The following SMAP1 variants were observed in gnomAD, a reference collection of about 807,000 sequenced individuals.
SMAP1 encodes stromal membrane-associated protein 1.
In SMAP1, 24 loss-of-function variants were observed where a neutral mutation model predicts 58.5. That is an observed-to-expected ratio of 0.41 (90% CI 0.30 to 0.58). The LOEUF is 0.58. Ranked by LOEUF, SMAP1 falls within the 20% of genes least tolerant of loss-of-function variation. The pLI is 0.29. For synonymous variants in SMAP1, 216 were observed against 196.6 expected, an observed-to-expected ratio of 1.10 and a Z score of -0.82; for missense variants, 563 against 566.3, an observed-to-expected ratio of 0.99 and a Z score of 0.06.
At chr6:70,798,145 C>G (rs1047900886) in intron 5 of SMAP1, among the ~76,000 whole-genome samples, 1 of 151,798 alleles carries the variant, frequency 6.6e-6, no homozygotes, top group Non-Finnish European at 1.5e-5. Flanking sequence ...TTTTCTAAAG[C>G]AAAATCTATG....
intron 1 of SMAP1, among the ~76,000 whole-genome samples, chr6:70,729,438 CAAAAAAA>C (rs71538438): frequency 7.3e-5 from 6 of 81,710 alleles, no homozygotes; most frequent in African/African-American, 3.1e-4. Context: ...GACTCCGTCT[CAAAAAAA>C]AAAAAAAAGA....
rs745587315 is a variant in SMAP1 at position 70,725,093 on chromosome 6, G to GTTTTTTTTTTTTTT, written c.119-7257_119-7244dup. Among the ~76,000 whole-genome samples the GTTTTTTTTTTTTTT allele has an allele frequency of 2.1e-4, 10 of 47,822 alleles. 2 individuals carry two copies. The highest frequency in any genetic ancestry group is 2.4e-4 in the Non-Finnish European group (6 of 24,998). 31.4% of individuals were successfully genotyped at this position (47,822 alleles called of 152,430 possible). Reference sequence around the variant, plus strand: ...GACTCCATATCCTAAATTAACCAGTGTTTTTTTTTTTTTTTTTTTTTTTTT... The same window carrying GTTTTTTTTTTTTTT: ...GACTCCATATCCTAAATTAACCAGTGTTTTTTTTTTTTTTTTTTTTTTTTTTTTTTTTTTTTTTT... On this transcript the variant is annotated intron_variant, in intron 1 of 10. Transcript: ENST00000370455.
chr6:70,779,434 C>T (rs1453090216), intron 4 of SMAP1, among the ~76,000 whole-genome samples: 1 of 152,156 alleles, frequency 6.6e-6, no homozygotes, highest in Non-Finnish European at 1.5e-5. Context: ...TGAATTCTCT[C>T]TGAGATAGTT....
At position 70,710,337 on chromosome 6, in the gene SMAP1, A is replaced by C. The variant is rs192962125; in HGVS notation, c.119-22041A>C. On this transcript the variant is annotated intron_variant, in intron 1 of 10. Transcript: ENST00000370455. ...GAAACCCCATCTCTACTAAAAATAC[A>C]AAAATTAGCTGGACATGGTGGCATG... 9.9e-5 allele frequency among the ~76,000 whole-genome samples: 15 copies of C among 151,986 alleles called. No individual in the cohort carries two copies. In the East Asian group the frequency reaches 2.9e-3, roughly 29 times the overall value.
chr6:70,804,451 G>C (rs1562173392), intron 6 of SMAP1, among the ~76,000 whole-genome samples: 1 of 151,870 alleles, frequency 6.6e-6, no homozygotes, highest in Non-Finnish European at 1.5e-5. Flanking sequence ...ACTCTATCCA[G>C]TTTGCCAGTC....
intron 6 of SMAP1, among the ~76,000 whole-genome samples, chr6:70,834,670 A>G (rs1479389043): frequency 1.3e-5 from 2 of 152,202 alleles, no homozygotes; most frequent in African/African-American, 4.8e-5. Context: ...CCTGCCCTGC[A>G]ATATTTGAAG....
intron 1 of SMAP1, among the ~76,000 whole-genome samples, chr6:70,671,520 G>GTGA (rs1259698192): frequency 1.3e-5 from 2 of 152,182 alleles, no homozygotes; most frequent in African/African-American, 2.4e-5. Context: ...GGAGGTTGCA[G>GTGA]TGAGCCGAGA....
rs549517374 is a variant in SMAP1, at chr6:70,674,760, G to A, written c.118+6619G>A. Among the ~76,000 whole-genome samples the A allele has an allele frequency of 1.2e-4, 19 of 152,188 alleles. 1 individual carries two copies. The South Asian group carries it at 3.9e-3, about 31-fold the overall frequency. On this transcript the variant is annotated intron_variant, in intron 1 of 10. Transcript: ENST00000370455. Reference sequence around the variant, plus strand: ...AGGCTGAGGCAGGTGGATCATCTGAGGCCAGGAGTTTGAGGCCACCCCTGG... The same window carrying A: ...AGGCTGAGGCAGGTGGATCATCTGAAGCCAGGAGTTTGAGGCCACCCCTGG...
intron 4 of SMAP1, among the ~76,000 whole-genome samples, chr6:70,791,016 C>T (rs1169876372): frequency 6.6e-6 from 1 of 152,080 alleles, no homozygotes; most frequent in Non-Finnish European, 1.5e-5. Context: ...GTGTAAATTG[C>T]CTGTGCTGCA....
chr6:70,855,946 T>C (rs1408474113), intron 8 of SMAP1, among the ~76,000 whole-genome samples: 1 of 152,260 alleles, frequency 6.6e-6, no homozygotes, highest in African/African-American at 2.4e-5. Context: ...CTGTGTAGTT[T>C]ATAAGTACAA....
chr6:70,692,241 G>C (rs999202626), intron 1 of SMAP1, among the ~76,000 whole-genome samples: 2 of 152,316 alleles, frequency 1.3e-5, no homozygotes, highest in East Asian at 3.9e-4. Context: ...CTTCTTTGGA[G>C]AAATGTCTGA....
intron 2 of SMAP1, among the ~76,000 whole-genome samples, chr6:70,735,558 C>T (rs956757754): frequency 7.9e-5 from 12 of 152,104 alleles, no homozygotes; most frequent in Non-Finnish European, 1.6e-4. Context: ...TGGGCAGATC[C>T]GAGAGTTTGA....
At chr6:70,766,923 A>G (rs1195260363) in intron 3 of SMAP1, among the ~76,000 whole-genome samples, 1 of 152,070 alleles carries the variant, frequency 6.6e-6, no homozygotes. Flanking sequence ...TAATTTTTGT[A>G]TAAGGTGTAA....
intron 3 of SMAP1, among the ~76,000 whole-genome samples, chr6:70,772,419 T>C (rs983094969): frequency 2.6e-5 from 4 of 152,238 alleles, no homozygotes; most frequent in Non-Finnish European, 5.9e-5. Flanking sequence ...AGAGATATTA[T>C]ATTTCAGTGT....
intron 6 of SMAP1, among the ~76,000 whole-genome samples, chr6:70,831,822 G>A (rs1289371395): frequency 6.6e-6 from 1 of 152,142 alleles, no homozygotes; most frequent in Non-Finnish European, 1.5e-5. Flanking sequence ...TTCCATTTAA[G>A]TTATTTGAGA....
At chr6:70,757,062 G>A (rs1028836284) in intron 3 of SMAP1, among the ~76,000 whole-genome samples, 4 of 152,054 alleles carry the variant, frequency 2.6e-5, no homozygotes, top group African/African-American at 7.2e-5. Context: ...CATTGCCAAG[G>A]CAATCCTAAG....
At chr6:70,672,418 C>G (rs758611564) in intron 1 of SMAP1, among the ~76,000 whole-genome samples, 5 of 152,144 alleles carry the variant, frequency 3.3e-5, no homozygotes, top group African/African-American at 7.2e-5. Context: ...GCTTAAATGT[C>G]TTTTCAAGGG....
At chr6:70,684,344 A>G (rs1055775832) in intron 1 of SMAP1, among the ~76,000 whole-genome samples, 1 of 152,360 alleles carries the variant, frequency 6.6e-6, no homozygotes, top group Admixed American at 6.5e-5. Context: ...GGTGAACAAA[A>G]TAAAGAGGGC....
chr6:70,806,645 G>A (rs1769147310), intron 6 of SMAP1, among the ~76,000 whole-genome samples: 1 of 152,208 alleles, frequency 6.6e-6, no homozygotes, highest in Non-Finnish European at 1.5e-5. Context: ...CTCGTTATGA[G>A]TTTGAAAGAA....
Sources: allele counts gnomAD v4.1 joint callset (sites outside exome capture counted in the v4.1 genomes callset), GRCh38; gene constraint gnomAD v4.1.1; transcripts MANE v1.5; gene names NCBI Gene and HGNC (gene_info 2026-07-23, HGNC 2026-07-21).